Variants in TEX36 observed in about 807,000 individuals in gnomAD.
The protein encoded by TEX36 is testis expressed 36.
A neutral mutation model predicts 13.6 loss-of-function variants in TEX36; 12 were observed. The ratio of observed to expected loss-of-function variants is 0.88; its 90% CI spans 0.56 to 1.43. The LOEUF (loss-of-function observed/expected upper bound fraction) is 1.43, where lower values mean the gene tolerates loss of function less well. TEX36 is among the 40% of genes most tolerant of loss of function. The pLI is 0.00. For missense variants in TEX36, 224 were observed against 228.3 expected (o/e 0.98, Z 0.12); for synonymous variants, 93 against 83.0 (o/e 1.12, Z -0.65).
chr10:125,583,140 T>C (rs2133523757), intron 3 of TEX36, among the ~76,000 whole-genome samples: 1 of 152,342 alleles, frequency 6.6e-6, no homozygotes, highest in East Asian at 1.9e-4. Flanking sequence ...TGACAATCTG[T>C]CCAGCAGCCA....
intron 3 of TEX36, among the ~76,000 whole-genome samples, chr10:125,599,302 T>C (rs964358188): frequency 4.6e-5 from 7 of 152,164 alleles, no homozygotes; most frequent in Non-Finnish European, 7.3e-5. Flanking sequence ...GAGACGCATG[T>C]CCTGGGCTCT....
chr10:125,668,050 G>A (rs1847153189), intron 1 of TEX36: 1 of 643,122 alleles, frequency 1.6e-6, no homozygotes, highest in African/African-American at 1.8e-5. Context: ...TCTTTGGCCA[G>A]GGATCTCCTA....
chr10:125,606,235 C>T (rs981715458), intron 3 of TEX36, among the ~76,000 whole-genome samples: 1 of 152,192 alleles, frequency 6.6e-6, no homozygotes, highest in Non-Finnish European at 1.5e-5. Flanking sequence ...GAAATGTATT[C>T]AAGAACGACA....
At chr10:125,610,076 C>A (rs1246500617) in intron 3 of TEX36, among the ~76,000 whole-genome samples, 1 of 152,204 alleles carries the variant, frequency 6.6e-6, no homozygotes. Flanking sequence ...AATGCCATGG[C>A]AATAGCTGGA....
In TEX36 at chr10:125,667,724, T is replaced by C; in HGVS notation, c.52-5747A>G. ...GAGTGTCTGGTGGAAGAGGATGACG[T>C]CCCCGATGCAGGGGTTCACGCAGTC... is the stretch of plus-strand genomic sequence containing the variant. On this transcript the variant is annotated intron_variant, in intron 1 of 3. Coordinates refer to ENST00000368821, the MANE Select transcript of TEX36 (RefSeq NM_001128202.3). The C allele has an allele frequency of 9.2e-6, 7 of 764,908 alleles. No individual in the cohort carries two copies. In the South Asian group the frequency reaches 1.1e-4, roughly 12 times the overall value. The allele number at this position is 764,908 out of a possible 1,614,324, so 47.4% of individuals were successfully genotyped here.
At chr10:125,668,011 G>A in intron 1 of TEX36, 2 of 717,028 alleles carry the variant, frequency 2.8e-6, no homozygotes, top group Non-Finnish European at 5.1e-6. Context: ...AAATCCAGAC[G>A]GAGGCCCTTG....
intron 3 of TEX36, among the ~76,000 whole-genome samples, chr10:125,628,538 T>C (rs1210734127): frequency 2.0e-5 from 3 of 152,200 alleles, no homozygotes; most frequent in Non-Finnish European, 4.4e-5. Flanking sequence ...AAAGGCTTCC[T>C]TTGTCTTGAT....
chr10:125,625,999 A>G (rs908108489), intron 3 of TEX36, among the ~76,000 whole-genome samples: 3 of 152,156 alleles, frequency 2.0e-5, no homozygotes, highest in Admixed American at 6.5e-5. Context: ...GCTCTCGTAG[A>G]CACCTTCAGG....
chr10:125,634,255 G>A (rs1846596497), intron 3 of TEX36, among the ~76,000 whole-genome samples: 1 of 152,120 alleles, frequency 6.6e-6, no homozygotes, highest in South Asian at 2.1e-4. Flanking sequence ...CTTCAGCAGA[G>A]CCAGCAGAAG....
intron 3 of TEX36, among the ~76,000 whole-genome samples, chr10:125,596,925 A>T (rs1029419620): frequency 6.6e-6 from 1 of 152,206 alleles, no homozygotes; most frequent in Non-Finnish European, 1.5e-5. Flanking sequence ...CTCTCCTGTT[A>T]ACTCGCCTCA....
chr10:125,607,036 CA>C (rs1225056733), intron 3 of TEX36, among the ~76,000 whole-genome samples: 4 of 152,210 alleles, frequency 2.6e-5, no homozygotes, highest in African/African-American at 9.6e-5. Flanking sequence ...TGCCTTCATT[CA>C]CATGCAAATG....
intron 3 of TEX36, among the ~76,000 whole-genome samples, chr10:125,606,181 C>T (rs1398313184): frequency 6.6e-6 from 1 of 152,128 alleles, no homozygotes; most frequent in Non-Finnish European, 1.5e-5. Flanking sequence ...ATTGACAGTC[C>T]TTCCAATTAA....
intron 3 of TEX36, among the ~76,000 whole-genome samples, chr10:125,614,923 G>C (rs975257947): frequency 1.3e-5 from 2 of 152,152 alleles, no homozygotes; most frequent in Non-Finnish European, 2.9e-5. Context: ...AGCATGGAAT[G>C]TTCTTCCATT....
intron 3 of TEX36, among the ~76,000 whole-genome samples, chr10:125,594,600 G>A (rs1846059144): frequency 6.6e-6 from 1 of 152,198 alleles, no homozygotes; most frequent in African/African-American, 2.4e-5. Context: ...TTTTAGAAAT[G>A]TAAACACACG....
At chr10:125,644,258 C>T (rs1351454745) in intron 3 of TEX36, among the ~76,000 whole-genome samples, 2 of 152,064 alleles carry the variant, frequency 1.3e-5, no homozygotes, top group African/African-American at 4.8e-5. Context: ...TCCCAGAAAC[C>T]AGTGCAAATA....
chr10:125,638,552 A>G (rs1007817632), intron 3 of TEX36, among the ~76,000 whole-genome samples: 1 of 152,168 alleles, frequency 6.6e-6, no homozygotes, highest in African/African-American at 2.4e-5. Flanking sequence ...GACCCCCAGA[A>G]TTATCAGATA....
In TEX36 at chr10:125,679,150, C is replaced by G. The variant is rs572415289; in HGVS notation, c.51+3789G>C. ...TGGCTACAGGAGCACCCCCCCCGCC[C>G]CCGCCAAGCTGACAACTTAGTTCCA... On this transcript the variant is annotated intron_variant, in intron 1 of 3. Coordinates refer to ENST00000368821, the MANE Select transcript of TEX36 (RefSeq NM_001128202.3). Among the ~76,000 whole-genome samples the G allele has an allele frequency of 5.7e-3, 832 of 144,876 alleles. 66 individuals are homozygous for G. The highest frequency in any genetic ancestry group is 0.021 in the African/African-American group (801 of 37,842).
At chr10:125,616,971 G>A (rs1324652060), downstream of TEX36, among the ~76,000 whole-genome samples, 1 of 152,184 alleles carries the variant, frequency 6.6e-6, no homozygotes, top group Non-Finnish European at 1.5e-5. Context: ...GGGTGCTCTT[G>A]TATTGGGTGC....
downstream of TEX36, among the ~76,000 whole-genome samples, chr10:125,654,744 C>T (rs1307736739): frequency 6.6e-6 from 1 of 151,990 alleles, no homozygotes; most frequent in Non-Finnish European, 1.5e-5. Context: ...TACCTTTTTT[C>T]CCCTTAAATA....
Sources: allele counts gnomAD v4.1 joint callset (sites outside exome capture counted in the v4.1 genomes callset), GRCh38; gene constraint gnomAD v4.1.1; transcripts MANE v1.5; gene names NCBI Gene and HGNC (gene_info 2026-07-23, HGNC 2026-07-21).